The following ASTN2 variants were observed in gnomAD, a reference collection of about 807,000 sequenced individuals.
ASTN2 encodes astrotactin-2.
ASTN2 carries 54 observed loss-of-function variants against 139.8 expected under a neutral mutation model. The ratio of observed to expected loss-of-function variants is 0.39; its 90% CI spans 0.31 to 0.48. The LOEUF (loss-of-function observed/expected upper bound fraction) is 0.48, where lower values mean the gene tolerates loss of function less well. ASTN2 is among the 20% of genes least tolerant of loss of function. The probability of loss-of-function intolerance (pLI) is 0.95; values close to 1 mark genes in which losing one functional copy is unlikely to be tolerated. For synonymous variants in ASTN2, 756 were observed against 719.5 expected, an observed-to-expected ratio of 1.05 and a Z score of -0.81; for missense variants, 1,565 against 1,725.1, an observed-to-expected ratio of 0.91 and a Z score of 1.64.
chr9:116,551,387 G>T (rs1852335506), intron 19 of ASTN2, among the ~76,000 whole-genome samples: 3 of 152,094 alleles, frequency 2.0e-5, no homozygotes, highest in South Asian at 4.2e-4. Flanking sequence ...CCTTTATTCT[G>T]CCATCACCCA....
chr9:116,579,962 C>T (rs981043750), intron 19 of ASTN2, among the ~76,000 whole-genome samples: 1 of 152,170 alleles, frequency 6.6e-6, no homozygotes. Context: ...GCTGGGATTA[C>T]AGGCACGTGC....
At chr9:117,352,129 G>A (rs1362753391) in intron 1 of ASTN2, among the ~76,000 whole-genome samples, 1 of 152,164 alleles carries the variant, frequency 6.6e-6, no homozygotes, top group Non-Finnish European at 1.5e-5. Flanking sequence ...CTCACAGGCT[G>A]TGTCTTCAGC....
At chr9:116,859,120 C>A (rs1345753947) in intron 11 of ASTN2, among the ~76,000 whole-genome samples, 1 of 152,196 alleles carries the variant, frequency 6.6e-6, no homozygotes, top group African/African-American at 2.4e-5. Context: ...CCTCTCTCTA[C>A]CCCACTCCTC....
intron 7 of ASTN2, among the ~76,000 whole-genome samples, 189 bp downstream of exon 7, chr9:117,007,903 C>T (rs1588476085): frequency 6.6e-6 from 1 of 152,114 alleles, no homozygotes; most frequent in South Asian, 2.1e-4. Context: ...GTCTGTGGCT[C>T]TCTAAGAATT....
At chr9:116,756,683 A>C (rs998872929) in intron 13 of ASTN2, among the ~76,000 whole-genome samples, 3 of 151,990 alleles carry the variant, frequency 2.0e-5, no homozygotes, top group Non-Finnish European at 4.4e-5. Context: ...CAGCAGCTGG[A>C]AAGTTAGCTC....
intron 19 of ASTN2, among the ~76,000 whole-genome samples, chr9:116,606,104 G>T (rs1379223158): frequency 6.6e-6 from 1 of 152,116 alleles, no homozygotes; most frequent in Non-Finnish European, 1.5e-5. Flanking sequence ...TTCTGATGAG[G>T]CCATGAGGGA....
At chr9:116,622,775 T>C (rs2131835134) in intron 17 of ASTN2, among the ~76,000 whole-genome samples, 1 of 152,348 alleles carries the variant, frequency 6.6e-6, no homozygotes, top group East Asian at 1.9e-4. Context: ...TCATAAACTA[T>C]TTGCATATAA....
chr9:116,571,597 T>C (rs979457226), intron 19 of ASTN2, among the ~76,000 whole-genome samples: 5 of 152,176 alleles, frequency 3.3e-5, no homozygotes, highest in Admixed American at 2.6e-4. Flanking sequence ...GGTGGATCCA[T>C]GTGGCACACG....
chr9:116,697,893 C>G, intron 16 of ASTN2: 1 of 1,614,206 alleles, frequency 6.2e-7, no homozygotes. Context: ...CCTGGAGAAG[C>G]TATTGGCCAG....
At chr9:117,144,992 T>TTTAA (rs555816256) in intron 3 of ASTN2, among the ~76,000 whole-genome samples, 12 of 151,206 alleles carry the variant, frequency 7.9e-5, no homozygotes, top group African/African-American at 2.4e-4. Flanking sequence ...TCTTTTTTTT[T>TTTAA]AAAAACTTTT....
chr9:116,646,297 C>G (rs1235392449), intron 17 of ASTN2, among the ~76,000 whole-genome samples: 1 of 151,918 alleles, frequency 6.6e-6, no homozygotes, highest in Non-Finnish European at 1.5e-5. Context: ...AAAAGAAAGT[C>G]CCAGAAAGAG....
intron 3 of ASTN2, among the ~76,000 whole-genome samples, chr9:117,203,495 G>A (rs1387356624): frequency 6.6e-6 from 1 of 152,086 alleles, no homozygotes; most frequent in Admixed American, 6.5e-5. Context: ...AGTCTTTGAG[G>A]CTGCTGACCC....
intron 10 of ASTN2, among the ~76,000 whole-genome samples, chr9:116,888,570 T>C (rs1035959674): frequency 4.6e-5 from 7 of 152,132 alleles, no homozygotes; most frequent in African/African-American, 1.4e-4. Context: ...TCACCCAGGC[T>C]GGAATGCAGT....
chr9:116,737,709 A>G (rs1480006101), intron 13 of ASTN2, among the ~76,000 whole-genome samples: 2 of 151,560 alleles, frequency 1.3e-5, no homozygotes, highest in Non-Finnish European at 2.9e-5. Context: ...AGATTTATTG[A>G]TTGCATTTGT....
chr9:117,214,611 G>T lies in ASTN2; in HGVS notation c.762C>A (p.Tyr254Ter). ...GGGGACCCAGCAGCACAGATGGGATGTAGTGGATCTCATGAGTGGCTTCTG... is the reference window on the plus strand; with the variant it reads ...GGGGACCCAGCAGCACAGATGGGATTTAGTGGATCTCATGAGTGGCTTCTG... ...ASTEATHEIHYIPSVLLGPQA... is the reference protein window; with the variant it reads ...ASTEATHEIH Residue 254 changes from tyrosine (Y) to a stop codon, truncating the protein, a stop_gained, in exon 3 of 23, where the codon TAC becomes TAA. Coordinates refer to ENST00000313400, the MANE Select transcript of ASTN2 (RefSeq NM_001365068.1). LOFTEE classifies it high-confidence loss of function. 6.3e-7 allele frequency: 1 copy of T among 1,595,524 alleles called. No individual in the cohort carries two copies. Among genetic ancestry groups the T allele is most frequent in the Non-Finnish European group, 8.6e-7 (1 of 1,165,410 alleles).
chr9:117,236,502 A>T (rs759440691), intron 2 of ASTN2, among the ~76,000 whole-genome samples: 13 of 152,198 alleles, frequency 8.5e-5, no homozygotes, highest in African/African-American at 1.2e-4. Flanking sequence ...TCAGGGTGGG[A>T]TGTAGGACCC....
chr9:116,940,217 G>A (rs2150198), intron 10 of ASTN2, among the ~76,000 whole-genome samples: 63,897 of 152,020 alleles, frequency 0.42, 15,339 homozygotes, highest in Non-Finnish European at 0.54. Flanking sequence ...AAAACACAGG[G>A]AATACAGTTA....
rs73517259 is a variant in ASTN2 at position 117,247,660 on chromosome 9, G to T, written c.631-32918C>A. Among the ~76,000 whole-genome samples, 351 of 152,348 alleles carry T rather than the reference G, an allele frequency of 2.3e-3. 4 individuals carry two copies. Among genetic ancestry groups the T allele is most frequent in the African/African-American group, 8.1e-3 (335 of 41,580 alleles). ...CCAGCAGCTCCTTCCTCACAGTGGA[G>T]GCTGCAATGTGGTGACAGGCCCACA... On this transcript the variant is annotated intron_variant, in intron 2 of 22. Coordinates refer to ENST00000313400, the MANE Select transcript of ASTN2 (RefSeq NM_001365068.1).
chr9:116,455,121 G>A (rs1157168438), intron 20 of ASTN2, among the ~76,000 whole-genome samples: 11 of 152,082 alleles, frequency 7.2e-5, no homozygotes, highest in Non-Finnish European at 1.5e-4. Flanking sequence ...GGCCAAGGGA[G>A]GTGGATCACC....
Sources: gnomAD v4.1 joint callset for allele counts (sites outside exome capture counted in the v4.1 genomes callset) on GRCh38, gnomAD v4.1.1 for gene constraint, MANE v1.5 for transcripts, NCBI Gene and HGNC (gene_info 2026-07-23, HGNC 2026-07-21) for gene names.